The following SYNPO2 variants were observed in gnomAD, a reference collection of about 807,000 sequenced individuals.
SYNPO2 encodes the protein synaptopodin 2, also known as synaptopodin-2.
Under a neutral mutation model 85.0 loss-of-function variants are expected in SYNPO2, and 56 were observed. The ratio of observed to expected loss-of-function variants is 0.66; its 90% CI spans 0.53 to 0.82. SYNPO2 has a LOEUF of 0.82. Ranked by LOEUF, SYNPO2 falls within the 40% of genes least tolerant of loss-of-function variation. The pLI is 0.00. For missense variants in SYNPO2, 1,575 were observed against 1,534.2 expected (o/e 1.03, Z -0.44); for synonymous variants, 602 against 591.1 (o/e 1.02, Z -0.27).
At chr4:118,881,558 G>T (rs568179016) in intron 1 of SYNPO2, among the ~76,000 whole-genome samples, 146 of 152,320 alleles carry the variant, frequency 9.6e-4, no homozygotes, top group African/African-American at 3.3e-3. Flanking sequence ...ATGCCCCGAG[G>T]GGGAGCAAGG....
rs765911151 is a variant in SYNPO2, at chr4:119,057,531, G to A, written c.3383G>A (p.Arg1128Lys). The A allele has an allele frequency of 6.2e-7, 1 of 1,614,050 alleles. No homozygotes were observed. Among genetic ancestry groups the A allele is most frequent in the Non-Finnish European group, 8.5e-7 (1 of 1,180,014 alleles). The part of the protein sequence containing the change: ...PTDGLEKANK[R>K]PTPWEAAAKS... Reference sequence around the variant, plus strand: ...GATGGACTAGAGAAAGCAAACAAGAGACCAACTCCTTGGGAAGCAGCAGCA... The same window carrying A: ...GATGGACTAGAGAAAGCAAACAAGAAACCAACTCCTTGGGAAGCAGCAGCA... Residue 1128 changes from arginine (R) to lysine (K), a missense_variant, in exon 5 of 5, where the codon AGA becomes AAA. Coordinates refer to ENST00000307142, the MANE Select transcript of SYNPO2 (RefSeq NM_133477.3).
chr4:118,900,721 A>C (rs1245629315), intron 1 of SYNPO2, among the ~76,000 whole-genome samples: 4 of 118,840 alleles, frequency 3.4e-5, no homozygotes, highest in South Asian at 3.1e-4. Context: ...ATATATATAT[A>C]TATATATATA....
chr4:118,901,424 T>C (rs1247126385), intron 1 of SYNPO2, among the ~76,000 whole-genome samples: 3 of 152,236 alleles, frequency 2.0e-5, no homozygotes, highest in Non-Finnish European at 4.4e-5. Context: ...CCAAATTATC[T>C]TCTTGACAAT....
intron 1 of SYNPO2, among the ~76,000 whole-genome samples, chr4:119,018,082 C>T (rs749904858): frequency 3.3e-5 from 5 of 152,012 alleles, no homozygotes; most frequent in Admixed American, 1.3e-4. Context: ...TAAATAATGT[C>T]GTTAAATTTC....
In SYNPO2 at chr4:119,031,741, C is replaced by G. The variant is rs1293467842; in HGVS notation, c.2966C>G (p.Pro989Arg). The G allele has an allele frequency of 6.2e-7, 1 of 1,614,108 alleles. No homozygotes were observed. Among genetic ancestry groups the G allele is most frequent in the Non-Finnish European group, 8.5e-7 (1 of 1,180,050 alleles). The change falls in exon 4 of 5, where the codon CCC (proline) becomes CGC (arginine). Residue 989 changes from proline to arginine, a missense_variant. This residue lies in a region of SYNPO2 where 1,508 missense variants were observed against 1,446.8 expected (regional missense o/e 1.04). Transcript: ENST00000307142. Reference sequence around the variant, plus strand: ...CCTCCAGATGCAAAGGATGGCCTCCCCCAGAAGTCATCAGTCAAGGTCAAT... The same window carrying G: ...CCTCCAGATGCAAAGGATGGCCTCCGCCAGAAGTCATCAGTCAAGGTCAAT... Reference protein sequence around the residue: ...FQPPDAKDGLPQKSSVKVNSA... With the variant: ...FQPPDAKDGLRQKSSVKVNSA...
Position 118,882,608 on chromosome 4 carries a change from T to A in SYNPO2, c.12+31668T>A, listed in dbSNP as rs143438201. On this transcript the variant is annotated intron_variant, in intron 1 of 4. Transcript: ENST00000610556. The stretch of plus-strand genomic sequence containing the variant: ...TCCTAAAATATGTGCTCTCTCTCTC[T>A]CACACACACACACCCCACACACCTT... Among the ~76,000 whole-genome samples, 349 of 151,722 alleles carry A rather than the reference T, an allele frequency of 2.3e-3. 4 individuals are homozygous for A. The East Asian group carries it at 0.042, about 18-fold the overall frequency.
chr4:119,026,811 A>G lies in SYNPO2; in HGVS notation c.442A>G (p.Ser148Gly), dbSNP rs772939147. Residue 148 changes from serine to glycine, a missense_variant, in exon 3 of 5, where the codon AGT becomes GGT. Physicochemically the swap from Ser to Gly is moderately conservative, Grantham distance 56. Coordinates refer to ENST00000307142, the MANE Select transcript of SYNPO2 (RefSeq NM_133477.3). Reference sequence around the variant, plus strand: ...AGTTCCCCTAGCTGAGAACCAAAGAAGTGGTCCCGACTGTGCAGGCAGCTT... The same window carrying G: ...AGTTCCCCTAGCTGAGAACCAAAGAGGTGGTCCCGACTGTGCAGGCAGCTT... ...TEVPLAENQRSGPDCAGSLKE... is the reference protein window; with the variant it reads ...TEVPLAENQRGGPDCAGSLKE... 8.8e-6 allele frequency: 14 copies of G among 1,598,902 alleles called. No homozygotes were observed. The highest frequency in any genetic ancestry group is 1.1e-5 in the Non-Finnish European group (13 of 1,170,464).
intron 1 of SYNPO2, among the ~76,000 whole-genome samples, chr4:118,894,498 C>A (rs534673206): frequency 6.6e-6 from 1 of 151,630 alleles, no homozygotes; most frequent in Non-Finnish European, 1.5e-5. Context: ...CGTGGACTTG[C>A]TAGCCTGCCT....
At chr4:118,950,325 C>T (rs1734654331) in intron 1 of SYNPO2, among the ~76,000 whole-genome samples, 1 of 152,012 alleles carries the variant, frequency 6.6e-6, no homozygotes, top group Non-Finnish European at 1.5e-5. Flanking sequence ...AGATAATTAC[C>T]ATTGAAAAGA....
intron 1 of SYNPO2, among the ~76,000 whole-genome samples, chr4:118,981,021 C>A (rs1735987078): frequency 6.6e-6 from 1 of 152,168 alleles, no homozygotes; most frequent in Non-Finnish European, 1.5e-5. Flanking sequence ...TTTCCCACAG[C>A]ACCAAATAAC....
chr4:118,877,595 T>C (rs2110576943), intron 1 of SYNPO2, among the ~76,000 whole-genome samples: 1 of 152,232 alleles, frequency 6.6e-6, no homozygotes, highest in Non-Finnish European at 1.5e-5. Flanking sequence ...CCAACAAGCA[T>C]ATGAAAAGAA....
intron 1 of SYNPO2, among the ~76,000 whole-genome samples, chr4:118,880,842 T>C (rs879346355): frequency 6.6e-6 from 1 of 152,216 alleles, no homozygotes; most frequent in Non-Finnish European, 1.5e-5. Flanking sequence ...ATCTTCACTC[T>C]TTCTGATGTT....
chr4:118,960,013 T>C (rs755595008), intron 1 of SYNPO2, among the ~76,000 whole-genome samples: 103 of 152,262 alleles, frequency 6.8e-4, no homozygotes, highest in Middle Eastern at 3.4e-3. Flanking sequence ...AGGAAAGATA[T>C]GATAGAAGAG....
chr4:118,879,180 C>T (rs79285011), intron 1 of SYNPO2, among the ~76,000 whole-genome samples: 2,552 of 152,290 alleles, frequency 0.017, 39 homozygotes, highest in East Asian at 0.051. Context: ...ACTCTGCACA[C>T]ACCATCTTTA....
At chr4:118,918,330 A>G (rs1733423497) in intron 1 of SYNPO2, among the ~76,000 whole-genome samples, 1 of 152,198 alleles carries the variant, frequency 6.6e-6, no homozygotes, top group Non-Finnish European at 1.5e-5. Context: ...AGATTATGGT[A>G]TATGAAAAAC....
intron 1 of SYNPO2, among the ~76,000 whole-genome samples, chr4:118,908,466 A>C (rs1286531486): frequency 6.6e-6 from 1 of 152,190 alleles, no homozygotes; most frequent in African/African-American, 2.4e-5. Flanking sequence ...TTTTTGATAG[A>C]AGAAAATTCT....
intron 1 of SYNPO2, among the ~76,000 whole-genome samples, chr4:118,952,423 C>T (rs1215328691): frequency 2.0e-5 from 3 of 151,714 alleles, no homozygotes; most frequent in Non-Finnish European, 4.4e-5. Context: ...GGTACATGTG[C>T]ACAATGTGCA....
In SYNPO2 at chr4:119,027,475, G is replaced by A. The variant is rs769594254; in HGVS notation, c.1069+37G>A. On this transcript the variant is annotated intron_variant, in intron 3 of 4. Coordinates refer to ENST00000307142, the MANE Select transcript of SYNPO2 (RefSeq NM_133477.3). ...CTGGGCTTTCAGAAGGGGCTTGGGA[G>A]TTGGGGGCATTTTGCTGCTTCTTTG... The A allele has an allele frequency of 1.9e-5, 28 of 1,488,494 alleles. No homozygotes were observed. The East Asian group carries it at 5.9e-4, about 31-fold the overall frequency. The allele number at this position is 1,488,494 out of a possible 1,614,324, so 92.2% of individuals were successfully genotyped here. A position where few individuals can be genotyped will look rare whatever the true frequency, so the allele number is the denominator to read the frequency against.
intron 1 of SYNPO2, among the ~76,000 whole-genome samples, chr4:118,979,963 C>T (rs987552055): frequency 1.3e-5 from 2 of 152,188 alleles, no homozygotes; most frequent in Admixed American, 1.3e-4. Context: ...GAGACTGGAT[C>T]TCAACCATCA....
Sources: gnomAD v4.1 joint callset for allele counts (sites outside exome capture counted in the v4.1 genomes callset) on GRCh38, gnomAD v4.1.1 for gene constraint, gnomAD v4.1.1 regional missense constraint, MANE v1.5 for transcripts, NCBI Gene and HGNC (gene_info 2026-07-23, HGNC 2026-07-21) for gene names.